Variants in ADCY7 observed in about 807,000 individuals in gnomAD.
ADCY7 encodes the protein adenylate cyclase type 7.
ADCY7 carries 72 observed loss-of-function variants against 120.6 expected under a neutral mutation model. The ratio of observed to expected loss-of-function variants is 0.60; its 90% CI spans 0.49 to 0.73. The LOEUF is 0.73. Ranked by LOEUF, ADCY7 falls within the 30% of genes least tolerant of loss-of-function variation. The pLI is 0.00. For synonymous variants in ADCY7, 661 were observed against 628.0 expected (o/e 1.05, Z -0.78); for missense variants, 1,227 against 1,486.0 (o/e 0.83, Z 2.87).
At chr16:50,277,945 C>A (rs1050035842) in intron 1 of ADCY7, among the ~76,000 whole-genome samples, 2 of 152,060 alleles carry the variant, frequency 1.3e-5, no homozygotes, top group African/African-American at 4.8e-5. Flanking sequence ...GCTGGGATTA[C>A]AGGCTTGAGC....
chr16:50,281,468 G>A (rs536395922), intron 1 of ADCY7, among the ~76,000 whole-genome samples: 62 of 152,124 alleles, frequency 4.1e-4, no homozygotes, highest in Non-Finnish European at 6.9e-4. Flanking sequence ...TGGCTGTGGC[G>A]CCCTCCTCCC....
At chr16:50,272,353 C>T (rs758126776) in intron 1 of ADCY7, among the ~76,000 whole-genome samples, 8 of 152,172 alleles carry the variant, frequency 5.3e-5, no homozygotes, top group Admixed American at 3.9e-4. Flanking sequence ...GCCCTTCCTG[C>T]CCCTGTAACT....
chr16:50,305,248 C>CG (rs1221439687), intron 12 of ADCY7, among the ~76,000 whole-genome samples: 1 of 152,208 alleles, frequency 6.6e-6, no homozygotes, highest in African/African-American at 2.4e-5. Flanking sequence ...ATGCCAATCC[C>CG]GGGGGTGTAG....
At chr16:50,279,073 T>C (rs902934541) in intron 1 of ADCY7, among the ~76,000 whole-genome samples, 5 of 152,284 alleles carry the variant, frequency 3.3e-5, no homozygotes, top group Admixed American at 3.3e-4. Flanking sequence ...GGTTTCACCA[T>C]GTTGGCCAGG....
intron 1 of ADCY7, among the ~76,000 whole-genome samples, chr16:50,257,964 C>T (rs918776907): frequency 5.9e-5 from 9 of 152,006 alleles, no homozygotes; most frequent in Non-Finnish European, 8.8e-5. Context: ...AGGCTGGTCT[C>T]GAACTTCTGG....
At chr16:50,246,268 CG>C (rs2032583155) in intron 1 of ADCY7, 1 of 150,794 alleles carries the variant, frequency 6.6e-6, no homozygotes, top group African/African-American at 2.4e-5. Flanking sequence ...CGGGGGTGCC[CG>C]TGGCCGCTGC....
chr16:50,306,406 G>T (rs2151055339), intron 14 of ADCY7, among the ~76,000 whole-genome samples: 1 of 152,352 alleles, frequency 6.6e-6, no homozygotes, highest in Middle Eastern at 3.4e-3. Flanking sequence ...AGCTTCAGGT[G>T]TGGCTCCCTG....
chr16:50,281,599 A>G (rs1056699710), intron 1 of ADCY7, among the ~76,000 whole-genome samples: 9 of 152,142 alleles, frequency 5.9e-5, no homozygotes, highest in African/African-American at 2.2e-4. Flanking sequence ...ACACACACAC[A>G]CAGATCCCAC....
chr16:50,276,216 A>G (rs1378412800), intron 1 of ADCY7, among the ~76,000 whole-genome samples: 4 of 152,110 alleles, frequency 2.6e-5, no homozygotes, highest in African/African-American at 9.7e-5. Flanking sequence ...CCACACTGCC[A>G]CTCATGGCCC....
chr16:50,298,773 ACTGGACC>A, intron 7 of ADCY7, 124 bp from the exon 8 acceptor site: 1 of 1,313,094 alleles, frequency 7.6e-7, no homozygotes, highest in African/African-American at 1.5e-5. Context: ...GCTCCTGGTG[ACTGGACC>A]CCAGGAGGCA....
At position 50,312,973 on chromosome 16, in the gene ADCY7, T is replaced by C. The variant is rs147484717; in HGVS notation, c.2688T>C (p.Asp896=). The change falls in exon 22 of 26, where the codon GAT becomes GAC. Residue 896 remains aspartate (D), a synonymous_variant. Transcript: ENST00000673801. ...TCAAAGTGTTCTACACAGAGTGCGATGTCAACAAAGAAGGGCTGGAGTGCC... is the reference window on the plus strand; with the variant it reads ...TCAAAGTGTTCTACACAGAGTGCGACGTCAACAAAGAAGGGCTGGAGTGCC... ...PDFKVFYTEC[D]VNKEGLECLR... is the part of the protein sequence containing the mutation. 7 of 1,614,116 alleles carry C rather than the reference T, an allele frequency of 4.3e-6. No homozygotes were observed. Among genetic ancestry groups the C allele is most frequent in the Non-Finnish European group, 4.2e-6 (5 of 1,180,038 alleles).
At chr16:50,308,568 G>A in intron 16 of ADCY7, 99 bp from the exon 17 acceptor site, 1 of 1,552,904 alleles carries the variant, frequency 6.4e-7, no homozygotes, top group South Asian at 1.2e-5. Context: ...TGAGTGCCCT[G>A]GAGGCTTCTC....
intron 8 of ADCY7, among the ~76,000 whole-genome samples, chr16:50,300,231 C>T (rs555001765): frequency 2.1e-4 from 32 of 152,196 alleles, no homozygotes; most frequent in East Asian, 1.9e-3. Flanking sequence ...CTACCATGCC[C>T]GGCTAATTTT....
intron 4 of ADCY7, among the ~76,000 whole-genome samples, chr16:50,292,192 C>T (rs1043499052): frequency 3.9e-5 from 6 of 152,266 alleles, no homozygotes; most frequent in African/African-American, 1.2e-4. Context: ...GTCCCATTGC[C>T]GAAGTTTCCC....
At chr16:50,266,125 G>A (rs982725831), upstream of ADCY7, among the ~76,000 whole-genome samples, 2 of 152,130 alleles carry the variant, frequency 1.3e-5, no homozygotes, top group Non-Finnish European at 2.9e-5. Flanking sequence ...AGAGGTGGAC[G>A]GGGCCACCTT....
chr16:50,251,785 G>A (rs1045333598), intron 1 of ADCY7, among the ~76,000 whole-genome samples: 3 of 152,118 alleles, frequency 2.0e-5, no homozygotes, highest in Non-Finnish European at 4.4e-5. Flanking sequence ...CCTGGCCTCC[G>A]GGGGCTCCCA....
chr16:50,300,610 C>T, intron 8 of ADCY7, 105 bp from the exon 9 acceptor site: 1 of 1,373,706 alleles, frequency 7.3e-7, no homozygotes, highest in South Asian at 1.4e-5. Context: ...GGGCTGAGCG[C>T]CTGCCCTGTT....
intron 1 of ADCY7, among the ~76,000 whole-genome samples, chr16:50,257,750 T>C (rs2032955435): frequency 6.6e-6 from 1 of 151,288 alleles, no homozygotes; most frequent in East Asian, 1.9e-4. Context: ...GATTTATCTT[T>C]TTTTTTCTTT....
At chr16:50,304,223 G>T (rs2035913306) in intron 10 of ADCY7, 137 bp from the exon 11 acceptor site, 2 of 926,652 alleles carry the variant, frequency 2.2e-6, no homozygotes, top group East Asian at 6.4e-5. Context: ...TGCGGGTTGA[G>T]CAACTTCTTT....
Sources: gnomAD v4.1 joint callset for allele counts (sites outside exome capture counted in the v4.1 genomes callset) on GRCh38, gnomAD v4.1.1 for gene constraint, MANE v1.5 for transcripts, NCBI Gene and HGNC (gene_info 2026-07-23, HGNC 2026-07-21) for gene names.